Variants in HK1 observed in about 807,000 individuals in gnomAD.
HK1 encodes the protein hexokinase-1.
HK1 carries 28 observed loss-of-function variants against 91.6 expected under a neutral mutation model. That is an observed-to-expected ratio of 0.31 (90% CI 0.23 to 0.42). The LOEUF (loss-of-function observed/expected upper bound fraction) is 0.42. Among genes scored for constraint, HK1 ranks in the 10% least tolerant of loss-of-function variants. HK1 has a pLI of 1.00. For synonymous variants in HK1, 430 were observed against 468.1 expected (o/e 0.92, Z 1.05); for missense variants, 770 against 1,219.8 (o/e 0.63, Z 5.49).
chr10:69,384,240 G>A (rs376258455), intron 10 of HK1, 93 bp from the exon 11 acceptor site: 1 of 1,458,998 alleles, frequency 6.9e-7, no homozygotes, highest in Non-Finnish European at 9.6e-7. Flanking sequence ...TTGCTATGGG[G>A]TTCTCCCCTT....
intron 2 of HK1, among the ~76,000 whole-genome samples, chr10:69,350,868 A>T (rs930254834): frequency 6.6e-6 from 1 of 152,026 alleles, no homozygotes; most frequent in African/African-American, 2.4e-5. Context: ...TTAGAGAATG[A>T]AGCAAAATAA....
At chr10:69,399,335 C>A (rs1840284519) in intron 17 of HK1, among the ~76,000 whole-genome samples, 1 of 152,066 alleles carries the variant, frequency 6.6e-6, no homozygotes, top group South Asian at 2.1e-4. Flanking sequence ...CATAGTGAGA[C>A]CTTGTCTGTA....
At chr10:69,395,195 G>A (rs1447552015) in intron 16 of HK1, 90 bp downstream of exon 16, 10 of 1,330,570 alleles carry the variant, frequency 7.5e-6, no homozygotes, top group Non-Finnish European at 1.1e-5. Context: ...GACCCTAGGG[G>A]ACATTTTGGC....
intron 9 of HK1, among the ~76,000 whole-genome samples, chr10:69,382,159 C>T (rs1193493040): frequency 6.6e-6 from 1 of 152,154 alleles, no homozygotes; most frequent in African/African-American, 2.4e-5. Flanking sequence ...GAAGCTGAGG[C>T]GGGTGGATAG....
intron 1 of HK1, among the ~76,000 whole-genome samples, chr10:69,321,244 A>C (rs1847005321): frequency 6.6e-6 from 1 of 152,048 alleles, no homozygotes; most frequent in Non-Finnish European, 1.5e-5. Flanking sequence ...GCGCCACCGC[A>C]CTCCAGCCTG....
intron 3 of HK1, among the ~76,000 whole-genome samples, chr10:69,290,549 A>G (rs1327645177): frequency 1.3e-5 from 2 of 152,112 alleles, no homozygotes; most frequent in Non-Finnish European, 2.9e-5. Flanking sequence ...CCCAGGCTGG[A>G]ATGCTATGGT....
At chr10:69,349,318 C>G (rs973763179) in intron 2 of HK1, among the ~76,000 whole-genome samples, 3 of 152,182 alleles carry the variant, frequency 2.0e-5, no homozygotes, top group Non-Finnish European at 2.9e-5. Context: ...AATCCCTGCC[C>G]CACCTGCCTC....
In HK1 at chr10:69,276,291, T is replaced by C. The variant is rs527646729; in HGVS notation, c.-391+6183T>C. The stretch of plus-strand genomic sequence containing the variant: ...AAAAATACATTTAAATTTATTCTTG[T>C]AATGTGGATTTGTCAGAGTATTTCT... On this transcript the variant is annotated intron_variant, in intron 1 of 21. Transcript: ENST00000360289. 4.0e-5 allele frequency among the ~76,000 whole-genome samples: 6 copies of C among 151,838 alleles called. No individual in the cohort carries two copies. The East Asian group carries it at 1.2e-3, about 29-fold the overall frequency.
chr10:69,300,572 G>C, intron 4 of HK1: 1 of 697,620 alleles, frequency 1.4e-6, no homozygotes, highest in Non-Finnish European at 2.6e-6. Context: ...CTAGATCTTT[G>C]AGTTGCACAT....
At chr10:69,308,903 G>C (rs926738779) in intron 5 of HK1, among the ~76,000 whole-genome samples, 1 of 152,120 alleles carries the variant, frequency 6.6e-6, no homozygotes, top group African/African-American at 2.4e-5. Context: ...GGTAATGCTC[G>C]CTCACCTGCT....
intron 2 of HK1, among the ~76,000 whole-genome samples, chr10:69,358,675 G>A (rs564593601): frequency 3.3e-5 from 5 of 152,022 alleles, no homozygotes; most frequent in South Asian, 2.1e-4. Context: ...CAGCCTGGCC[G>A]ACATAGTGAA....
At chr10:69,374,823 C>G (rs1281653305) in intron 7 of HK1, among the ~76,000 whole-genome samples, 1 of 152,234 alleles carries the variant, frequency 6.6e-6, no homozygotes, top group African/African-American at 2.4e-5. Flanking sequence ...TGCCAGGAGG[C>G]TGATGTTAGC....
chr10:69,386,211 C>A (rs1414741644), intron 12 of HK1, 112 bp from the exon 13 acceptor site: 2 of 794,344 alleles, frequency 2.5e-6, no homozygotes, highest in African/African-American at 3.4e-5. Context: ...AACTCCGTCT[C>A]CGATGTTGTA....
chr10:69,306,122 C>A (rs10998706), intron 5 of HK1, among the ~76,000 whole-genome samples: 36,769 of 151,742 alleles, frequency 0.24, 5,188 homozygotes, highest in East Asian at 0.57. Context: ...TTTGGGAGGC[C>A]AAGGCGGGCA....
upstream of HK1, among the ~76,000 whole-genome samples, chr10:69,310,927 G>A (rs996721449): frequency 7.2e-4 from 109 of 152,010 alleles, no homozygotes; most frequent in Non-Finnish European, 7.4e-5. Flanking sequence ...CATAGTGGCA[G>A]GCACCTGTAA....
intron 1 of HK1, among the ~76,000 whole-genome samples, chr10:69,273,870 A>G (rs1240477151): frequency 6.6e-6 from 1 of 152,012 alleles, no homozygotes; most frequent in African/African-American, 2.4e-5. Flanking sequence ...ATTTTTCTTT[A>G]ACATAATTAC....
Position 69,395,706 on chromosome 10 carries a change from C to T in HK1, c.2375+601C>T, listed in dbSNP as rs537688748. On this transcript the variant is annotated intron_variant, in intron 16 of 17. Transcript: ENST00000359426. ...TTCCATTTCAGATGGTAAAGATGCA[C>T]TACACATACTTGTATTGGGGGTGCA... Among the ~76,000 whole-genome samples the T allele has an allele frequency of 7.2e-5, 11 of 152,310 alleles. No homozygotes were observed. In the South Asian group the frequency reaches 2.3e-3, roughly 32 times the overall value.
chr10:69,318,356 C>A, upstream of HK1: 1 of 408,924 alleles, frequency 2.4e-6, no homozygotes, highest in Non-Finnish European at 3.3e-6. Context: ...TCCCCTCCGG[C>A]ACCTCGGCGT....
upstream of HK1, among the ~76,000 whole-genome samples, chr10:69,316,979 T>C (rs1846680120): frequency 6.6e-6 from 1 of 152,246 alleles, no homozygotes; most frequent in South Asian, 2.1e-4. Context: ...GTTTGATGTG[T>C]ACCAGAAAAT....
Sources: allele counts gnomAD v4.1 joint callset (sites outside exome capture counted in the v4.1 genomes callset), GRCh38; gene constraint gnomAD v4.1.1; transcripts MANE v1.5; gene names NCBI Gene and HGNC (gene_info 2026-07-23, HGNC 2026-07-21).